Variants in GLRA3 observed in about 807,000 individuals in gnomAD.
GLRA3 encodes glycine receptor subunit alpha-3.
A neutral mutation model predicts 60.4 loss-of-function variants in GLRA3; 44 were observed. The ratio of observed to expected loss-of-function variants is 0.73; its 90% CI spans 0.57 to 0.94. The LOEUF (loss-of-function observed/expected upper bound fraction) is 0.94. Ranked by LOEUF, GLRA3 falls within the 40% of genes least tolerant of loss-of-function variation. The pLI is 0.00. For missense variants in GLRA3, 508 were observed against 564.6 expected, an observed-to-expected ratio of 0.90 and a Z score of 1.02; for synonymous variants, 223 against 192.9, an observed-to-expected ratio of 1.16 and a Z score of -1.29.
chr4:174,804,799 T>TG (rs772101038), intron 1 of GLRA3, among the ~76,000 whole-genome samples: 25 of 152,266 alleles, frequency 1.6e-4, no homozygotes, highest in Non-Finnish European at 2.6e-4. Context: ...ATGAGCTTGA[T>TG]GGGGTGGTGT....
chr4:174,742,570 C>T (rs1737068415), intron 3 of GLRA3, among the ~76,000 whole-genome samples: 1 of 152,154 alleles, frequency 6.6e-6, no homozygotes, highest in Admixed American at 6.5e-5. Context: ...GAGGAAAAAT[C>T]TCTCTCTCCT....
Position 174,783,371 on chromosome 4 carries a change from A to T in GLRA3, c.199+5445T>A, listed in dbSNP as rs1004883657. On this transcript the variant is annotated intron_variant, in intron 2 of 9. Transcript: ENST00000274093. ...GACCTAAAACCATAAAAACCCTAGAAGAAAACCTAGGCATTACCATTCAGG... is the reference window on the plus strand; with the variant it reads ...GACCTAAAACCATAAAAACCCTAGATGAAAACCTAGGCATTACCATTCAGG... 5.7e-4 allele frequency among the ~76,000 whole-genome samples: 77 copies of T among 134,514 alleles called. 7 individuals carry two copies. Among genetic ancestry groups the T allele is most frequent in the Admixed American group, 5.2e-3 (71 of 13,570 alleles). 88.2% of individuals were successfully genotyped at this position (134,514 alleles called of 152,430 possible).
intron 5 of GLRA3, among the ~76,000 whole-genome samples, chr4:174,686,626 C>T (rs921465890): frequency 6.6e-5 from 10 of 152,130 alleles, no homozygotes; most frequent in Admixed American, 5.9e-4. Flanking sequence ...GTAAGTGGCA[C>T]GAGACAGGCA....
chr4:174,675,866 T>C (rs1734098788), intron 7 of GLRA3, among the ~76,000 whole-genome samples: 1 of 152,158 alleles, frequency 6.6e-6, no homozygotes, highest in Non-Finnish European at 1.5e-5. Flanking sequence ...TATGGGCATT[T>C]CAATCTAATA....
chr4:174,784,797 A>G (rs575956274), intron 2 of GLRA3, among the ~76,000 whole-genome samples: 2 of 152,242 alleles, frequency 1.3e-5, no homozygotes, highest in Admixed American at 6.5e-5. Context: ...ATTATATTTA[A>G]TAGGACTAAG....
chr4:174,642,208 C>T lies in GLRA3; in HGVS notation c.*1578G>A. The T allele has an allele frequency of 1.2e-6, 1 of 862,624 alleles. No homozygotes were observed. Among genetic ancestry groups the T allele is most frequent in the Non-Finnish European group, 1.4e-6 (1 of 717,914 alleles). The allele number at this position is 862,624 out of a possible 1,614,324, so 53.4% of individuals were successfully genotyped here. A position where few individuals can be genotyped will look rare whatever the true frequency, so the allele number is the denominator to read the frequency against. On this transcript the variant is annotated 3_prime_UTR_variant, in exon 10 of 10. Transcript: ENST00000274093. Reference sequence around the variant, plus strand: ...AATTGTATAAGCTGATGTACAATAACATTGTAAAGGTTTTAGTTTTAAATG... The same window carrying T: ...AATTGTATAAGCTGATGTACAATAATATTGTAAAGGTTTTAGTTTTAAATG...
intron 5 of GLRA3, among the ~76,000 whole-genome samples, chr4:174,704,150 C>A (rs1735429929): frequency 7.0e-6 from 1 of 142,348 alleles, no homozygotes; most frequent in Non-Finnish European, 1.6e-5. Context: ...CAAAAATTAG[C>A]CAGATGTAGT....
chr4:174,671,389 T>A (rs887111136), intron 7 of GLRA3, among the ~76,000 whole-genome samples: 1 of 152,166 alleles, frequency 6.6e-6, no homozygotes, highest in Admixed American at 6.5e-5. Flanking sequence ...TTAAGGGTTT[T>A]TTTTTAGAAG....
intron 5 of GLRA3, chr4:174,712,588 T>G (rs974536762): frequency 1.3e-5 from 2 of 152,164 alleles, no homozygotes; most frequent in Non-Finnish European, 2.9e-5. Context: ...TTAAAGTGTT[T>G]GCTTTTAAAT....
At chr4:174,736,291 T>A (rs1024040213) in intron 3 of GLRA3, among the ~76,000 whole-genome samples, 2 of 151,840 alleles carry the variant, frequency 1.3e-5, no homozygotes, top group African/African-American at 2.4e-5. Context: ...AATTTAAAAT[T>A]TTAAAAATTT....
At chr4:174,794,100 T>C (rs1388831448) in intron 1 of GLRA3, among the ~76,000 whole-genome samples, 2 of 152,034 alleles carry the variant, frequency 1.3e-5, no homozygotes, top group African/African-American at 4.8e-5. Context: ...TCTAAAATAT[T>C]TTTCCAAATG....
At chr4:174,716,509 C>A (rs1421435328) in intron 4 of GLRA3, among the ~76,000 whole-genome samples, 2 of 152,144 alleles carry the variant, frequency 1.3e-5, no homozygotes, top group Non-Finnish European at 2.9e-5. Flanking sequence ...GAGATCCACT[C>A]AAGTTTATTC....
At chr4:174,741,780 G>A (rs1005403793) in intron 3 of GLRA3, among the ~76,000 whole-genome samples, 2 of 152,030 alleles carry the variant, frequency 1.3e-5, no homozygotes, top group Non-Finnish European at 2.9e-5. Context: ...GTATGAGTAC[G>A]TATTGCAGCT....
At position 174,659,098 on chromosome 4, in the gene GLRA3, G is replaced by A. The variant is rs896561488; in HGVS notation, c.1027C>T (p.Gln343Ter). 4.3e-6 allele frequency: 7 copies of A among 1,612,474 alleles called. No individual in the cohort carries two copies. Among genetic ancestry groups the A allele is most frequent in the Non-Finnish European group, 8.5e-7 (1 of 1,178,976 alleles). ...CGAAATCTCAGAAGTTCTTTGTGTT[G>A]TCTTGATACAAAATTTACAGCTGCA... is the stretch of plus-strand genomic sequence containing the variant. ...EYAAVNFVSRQHKELLRFRRK... is the reference protein window; with the variant it reads ...EYAAVNFVSR Residue 343 changes from glutamine to a stop codon, truncating the protein, a stop_gained, in exon 8 of 10, where the codon CAA (glutamine) becomes TAA (stop). Coordinates refer to ENST00000274093, the MANE Select transcript of GLRA3 (RefSeq NM_006529.4). LOFTEE classifies it high-confidence loss of function.
At chr4:174,804,021 T>C (rs1739928010) in intron 1 of GLRA3, among the ~76,000 whole-genome samples, 1 of 152,184 alleles carries the variant, frequency 6.6e-6, no homozygotes, top group Admixed American at 6.6e-5. Context: ...GCCCAACTGC[T>C]GAATGGATAT....
At position 174,779,141 on chromosome 4, in the gene GLRA3, T is replaced by C. The variant is rs538826033; in HGVS notation, c.199+9675A>G. Among the ~76,000 whole-genome samples, 425 of 151,988 alleles carry C rather than the reference T, an allele frequency of 2.8e-3. 2 individuals carry two copies. Among genetic ancestry groups the C allele is most frequent in the Admixed American group, 6.0e-3 (91 of 15,276 alleles). ...GGAGATCTGAGAACGGGCAGACTGC[T>C]TCCTCAAGTGGGTCCCTGACCCCCA... On this transcript the variant is annotated intron_variant, in intron 2 of 9. Coordinates refer to ENST00000274093, the MANE Select transcript of GLRA3 (RefSeq NM_006529.4).
intron 1 of GLRA3, among the ~76,000 whole-genome samples, chr4:174,814,269 G>C (rs1177529127): frequency 6.6e-6 from 1 of 152,158 alleles, no homozygotes; most frequent in African/African-American, 2.4e-5. Flanking sequence ...GGTGAATGTA[G>C]AGGATTATAT....
chr4:174,735,916 G>A (rs998120312), intron 3 of GLRA3, among the ~76,000 whole-genome samples: 5 of 152,100 alleles, frequency 3.3e-5, no homozygotes, highest in Non-Finnish European at 5.9e-5. Context: ...CTAAACAATT[G>A]TTCTACTACT....
chr4:174,692,497 A>T (rs567419174), intron 5 of GLRA3, among the ~76,000 whole-genome samples: 1 of 150,766 alleles, frequency 6.6e-6, no homozygotes, highest in African/African-American at 2.4e-5. Context: ...TGGAATAGAA[A>T]GGGGGGAAAG....
Sources: gnomAD v4.1 joint callset for allele counts (sites outside exome capture counted in the v4.1 genomes callset) on GRCh38, gnomAD v4.1.1 for gene constraint, MANE v1.5 for transcripts, NCBI Gene and HGNC (gene_info 2026-07-23, HGNC 2026-07-21) for gene names.